The following NSD2 variants were observed in gnomAD, a reference collection of about 807,000 sequenced individuals.
NSD2 encodes histone-lysine N-methyltransferase NSD2.
A neutral mutation model predicts 139.0 loss-of-function variants in NSD2; 12 were observed. The ratio of observed to expected loss-of-function variants is 0.09; its 90% confidence interval spans 0.06 to 0.14. The LOEUF is 0.14. Ranked by LOEUF, NSD2 falls within the 10% of genes least tolerant of loss-of-function variation. The probability of loss-of-function intolerance (pLI) is 1.00; values close to 1 mark genes in which losing one functional copy is unlikely to be tolerated. For missense variants in NSD2, 1,155 were observed against 1,745.0 expected, an observed-to-expected ratio of 0.66 and a Z score of 6.02; for synonymous variants, 669 against 648.7, an observed-to-expected ratio of 1.03 and a Z score of -0.48.
chr4:1,897,817 T>C (rs2108734239), intron 1 of NSD2, among the ~76,000 whole-genome samples: 1 of 152,010 alleles, frequency 6.6e-6, no homozygotes, highest in Non-Finnish European at 1.5e-5. Context: ...AGTAGAGTTG[T>C]GGTTTCACCA....
At chr4:1,905,402 C>T (rs558457973) in intron 3 of NSD2, among the ~76,000 whole-genome samples, 1 of 152,356 alleles carries the variant, frequency 6.6e-6, no homozygotes, top group East Asian at 1.9e-4. Context: ...GCCAATGCTC[C>T]AGTCCAATAT....
At chr4:1,920,783 C>G (rs1472837608) in intron 5 of NSD2, among the ~76,000 whole-genome samples, 1 of 151,506 alleles carries the variant, frequency 6.6e-6, no homozygotes, top group African/African-American at 2.4e-5. Context: ...CCTGTCATCC[C>G]AGCACTTTGG....
At chr4:1,886,347 C>T (rs1715109371) in intron 1 of NSD2, among the ~76,000 whole-genome samples, 1 of 152,166 alleles carries the variant, frequency 6.6e-6, no homozygotes, top group Admixed American at 6.5e-5. Flanking sequence ...GCTGGTATTA[C>T]AGGTGTGCAC....
In NSD2 at chr4:1,980,433, T is replaced by C. The variant is rs1189721393; in HGVS notation, c.*1524T>C. On this transcript the variant is annotated 3_prime_UTR_variant, in exon 22 of 22. Transcript: ENST00000508803. ...TTTATGGCCTTTTCTTAAAATAACC[T>C]AAGGGGGACACATCCATCTTGCAGA... 1 of 233,050 alleles carries C rather than the reference T, an allele frequency of 4.3e-6. No homozygotes were observed. The highest frequency in any genetic ancestry group is 6.0e-5 in the East Asian group (1 of 16,580). 14.4% of individuals were successfully genotyped at this position (233,050 alleles called of 1,614,324 possible).
At chr4:1,959,358 A>T in intron 16 of NSD2, 113 bp from the exon 17 acceptor site, 1 of 1,279,880 alleles carries the variant, frequency 7.8e-7, no homozygotes, top group Non-Finnish European at 1.1e-6. Flanking sequence ...CAGGACTCTG[A>T]AGCTTTCTAA....
At chr4:1,933,104 C>T (rs1577477662) in intron 6 of NSD2, among the ~76,000 whole-genome samples, 1 of 152,178 alleles carries the variant, frequency 6.6e-6, no homozygotes, top group East Asian at 1.9e-4. Flanking sequence ...GTGGGCTTCA[C>T]GAGGGCTGCT....
chr4:1,947,382 G>T, intron 9 of NSD2: 1 of 1,061,348 alleles, frequency 9.4e-7, no homozygotes, highest in Non-Finnish European at 1.1e-6. Context: ...GCCTGTGCAG[G>T]TTAGAAGACG....
chr4:1,908,225 C>A (rs1358632532), intron 3 of NSD2, among the ~76,000 whole-genome samples: 1 of 152,186 alleles, frequency 6.6e-6, no homozygotes, highest in Admixed American at 6.5e-5. Context: ...CATGATCAGA[C>A]CTAGGTCAGA....
chr4:1,947,719 T>C, intron 9 of NSD2: 1 of 1,053,320 alleles, frequency 9.5e-7, no homozygotes, highest in Non-Finnish European at 1.1e-6. Flanking sequence ...CGCCATCAGC[T>C]TCCTTCTTTA....
chr4:1,940,698 G>A (rs1722998544), intron 9 of NSD2: 1 of 1,061,310 alleles, frequency 9.4e-7, no homozygotes, highest in Admixed American at 5.4e-5. Flanking sequence ...AGTGAGGCAA[G>A]GGTTGGACAG....
At chr4:1,911,608 G>GAAAAAAAA (rs1241442182) in intron 3 of NSD2, among the ~76,000 whole-genome samples, 1 of 104,764 alleles carries the variant, frequency 9.5e-6, no homozygotes, top group Non-Finnish European at 2.0e-5. Flanking sequence ...AAAAAAAAAA[G>GAAAAAAAA]AAAAAAAAAA....
intron 18 of NSD2, among the ~76,000 whole-genome samples, chr4:1,968,655 A>G (rs147732537): frequency 3.0e-4 from 45 of 152,344 alleles, no homozygotes; most frequent in African/African-American, 9.6e-4. Flanking sequence ...CAAAATGTCA[A>G]TAATCACAAT....
rs1560766632 is a variant in NSD2 at position 1,958,015 on chromosome 4, C to T, written c.2964C>T (p.Pro988=). The part of the protein sequence containing the change: ...ARETQESERK[P]PPYKHIKVNK... Reference sequence around the variant, plus strand: ...AAACACAGGAGAGCGAGCGCAAGCCCCCACCATACAAGCACATCAAGGTGG... The same window carrying T: ...AAACACAGGAGAGCGAGCGCAAGCCTCCACCATACAAGCACATCAAGGTGG... The change falls in exon 16 of 22, where the codon CCC becomes CCT. Residue 988 remains proline (P), a synonymous_variant. Transcript: ENST00000508803. The surrounding 1 kb of genome is among the most constrained non-coding windows in gnomAD (Gnocchi z 4.6). The T allele has an allele frequency of 2.5e-6, 4 of 1,614,064 alleles. No homozygotes were observed. Among genetic ancestry groups the T allele is most frequent in the Non-Finnish European group, 3.4e-6 (4 of 1,180,020 alleles).
chr4:1,908,943 T>C (rs1219604197), intron 3 of NSD2, among the ~76,000 whole-genome samples: 1 of 152,106 alleles, frequency 6.6e-6, no homozygotes, highest in Admixed American at 6.5e-5. Context: ...CCACCATACC[T>C]GTCCCCAGCA....
intron 1 of NSD2, among the ~76,000 whole-genome samples, chr4:1,882,378 CTT>C (rs754438218): frequency 6.6e-6 from 1 of 152,156 alleles, no homozygotes; most frequent in Non-Finnish European, 1.5e-5. Flanking sequence ...AGAAAGAAAA[CTT>C]TGGGCTGGGC....
chr4:1,953,060 G>C, intron 11 of NSD2: 1 of 1,457,402 alleles, frequency 6.9e-7, no homozygotes, highest in Non-Finnish European at 9.0e-7. Flanking sequence ...AGTTAGACTG[G>C]GCCTCCCCAG....
chr4:1,934,060 G>A (rs1722005188), intron 6 of NSD2, among the ~76,000 whole-genome samples: 1 of 150,942 alleles, frequency 6.6e-6, no homozygotes, highest in African/African-American at 2.4e-5. Context: ...GTCTTTGAAT[G>A]TTAGTAAGGA....
At chr4:1,894,499 C>T (rs1056371000) in intron 1 of NSD2, among the ~76,000 whole-genome samples, 7 of 151,734 alleles carry the variant, frequency 4.6e-5, no homozygotes, top group South Asian at 2.1e-4. Flanking sequence ...GTGGTGAAAC[C>T]CCGTCTCTAC....
chr4:1,970,788 AC>A (rs1199697382), intron 18 of NSD2, among the ~76,000 whole-genome samples: 2 of 152,152 alleles, frequency 1.3e-5, no homozygotes, highest in African/African-American at 4.8e-5. Flanking sequence ...CCGGGACATT[AC>A]ATGTGGGCAT....
Sources: gnomAD v4.1 joint callset for allele counts (sites outside exome capture counted in the v4.1 genomes callset) on GRCh38, gnomAD v4.1.1 for gene constraint, Gnocchi (gnomAD v3.1) non-coding constraint, MANE v1.5 for transcripts, NCBI Gene and HGNC (gene_info 2026-07-23, HGNC 2026-07-21) for gene names.